Variants in BAIAP3 observed in about 807,000 individuals in gnomAD.
The protein encoded by BAIAP3 is BAI1-associated protein 3.
BAIAP3 carries 180 observed loss-of-function variants against 149.7 expected under a neutral mutation model. The observed-to-expected ratio is 1.20, with a 90% CI of 1.07 to 1.36. The LOEUF (loss-of-function observed/expected upper bound fraction) is 1.36, where lower values mean the gene tolerates loss of function less well. Among genes scored for constraint, BAIAP3 ranks in the 40% most tolerant of loss-of-function variants. The pLI, the probability that BAIAP3 is intolerant of heterozygous loss-of-function variation, is 0.00. For synonymous variants in BAIAP3, 845 were observed against 670.7 expected, an observed-to-expected ratio of 1.26 and a Z score of -4.02; for missense variants, 1,767 against 1,563.4, an observed-to-expected ratio of 1.13 and a Z score of -2.20.
intron 1 of BAIAP3, among the ~76,000 whole-genome samples, chr16:1,335,514 C>T (rs1269214542): frequency 6.6e-6 from 1 of 152,222 alleles, no homozygotes; most frequent in Admixed American, 6.5e-5. Flanking sequence ...CTGAGAGCCA[C>T]CCAGGCAGCC....
rs748607516 is a variant in BAIAP3, at chr16:1,349,378, C to T, written c.*896C>T. ...CCGAGGCTGCCAGGCCCATTTATGT[C>T]CCTCATGTCTCTAGATTTTCTCGTC... On this transcript the variant is annotated 3_prime_UTR_variant, in exon 34 of 34. Transcript: ENST00000426824. 2 of 1,599,248 alleles carry T rather than the reference C, an allele frequency of 1.3e-6. No homozygotes were observed. The highest frequency in any genetic ancestry group is 1.1e-5 in the South Asian group (1 of 90,422).
In BAIAP3 at chr16:1,343,384, G is replaced by T; in HGVS notation, c.1266-9G>T. 2.5e-6 allele frequency: 4 copies of T among 1,579,706 alleles called. No individual in the cohort carries two copies. The highest frequency in any genetic ancestry group is 3.4e-6 in the Non-Finnish European group (4 of 1,163,740). ...TTCATACCCTTTGACCATGGGCCGG[G>T]CCCCACAGGCACTGGCAGGTCAGCA... On this transcript the variant is annotated splice_polypyrimidine_tract_variant and intron_variant, in intron 14 of 33. Transcript: ENST00000426824.
Position 1,348,071 on chromosome 16 carries a change from A to C in BAIAP3, c.3150-25A>C, listed in dbSNP as rs1384197588. On this transcript the variant is annotated intron_variant, in intron 32 of 33. Transcript: ENST00000426824. ...CCAGGCTCCAGGCTGCCGGAGCGAGACTCCCGACTGGCCTCTGTCCGCAGT... is the reference window on the plus strand; with the variant it reads ...CCAGGCTCCAGGCTGCCGGAGCGAGCCTCCCGACTGGCCTCTGTCCGCAGT... 6.6e-5 allele frequency: 98 copies of C among 1,475,810 alleles called. No homozygotes were observed. The Admixed American group carries it at 2.1e-3, about 31-fold the overall frequency. The allele number at this position is 1,475,810 out of a possible 1,614,324, so 91.4% of individuals were successfully genotyped here. A position where few individuals can be genotyped will look rare whatever the true frequency, so the allele number is the denominator to read the frequency against.
At position 1,347,745 on chromosome 16, in the gene BAIAP3, CCATTA is replaced by C. The variant is rs1380594351; in HGVS notation, c.2951_2955del (p.His984ArgfsTer4). 6.2e-6 allele frequency: 10 copies of C among 1,609,960 alleles called. No individual in the cohort carries two copies. Among genetic ancestry groups the C allele is most frequent in the Non-Finnish European group, 8.5e-6 (10 of 1,177,814 alleles). On this transcript the variant is annotated frameshift_variant, in exon 31 of 34. Coordinates refer to ENST00000426824, the MANE Select transcript of BAIAP3 (RefSeq NM_001199097.2). LOFTEE classifies it high-confidence loss of function. The stretch of plus-strand genomic sequence containing the variant: ...GGTTTGGACGCCTGAGCGTCCGTTG[CCATTA>C]CGAGGCGGCTGAGCAGCGGCTGGCC...
intron 8 of BAIAP3, 126 bp downstream of exon 8, chr16:1,341,615 G>T: frequency 7.4e-7 from 1 of 1,344,656 alleles, no homozygotes; most frequent in Non-Finnish European, 1.0e-6. Flanking sequence ...CCACTTTCCA[G>T]AGGAGAAAAC....
chr16:1,341,909 T>C (rs1438139008), intron 9 of BAIAP3, 43 bp downstream of exon 9: 5 of 1,600,410 alleles, frequency 3.1e-6, no homozygotes, highest in Non-Finnish European at 3.4e-6. Flanking sequence ...GATGCACACC[T>C]TTTGCGGGGG....
chr16:1,336,680 C>A (rs1293645691), intron 1 of BAIAP3, among the ~76,000 whole-genome samples: 1 of 152,208 alleles, frequency 6.6e-6, no homozygotes, highest in Non-Finnish European at 1.5e-5. Flanking sequence ...TGCTCAGGCC[C>A]CCACGCTGCC....
rs2033702739 is a variant in BAIAP3 at position 1,339,470 on chromosome 16, T to C, written c.301-26T>C. On this transcript the variant is annotated intron_variant, in intron 4 of 33. Coordinates refer to ENST00000426824, the MANE Select transcript of BAIAP3 (RefSeq NM_001199097.2). ...GGGCTGGGGGCCTGGGACGCGGCAC[T>C]GTGGCCGCCCTTCCCCCACCTGCAG... The C allele has an allele frequency of 5.6e-6, 9 of 1,593,042 alleles. No homozygotes were observed. In the East Asian group the frequency reaches 1.8e-4, roughly 32 times the overall value.
At chr16:1,336,213 A>C in intron 1 of BAIAP3, 1 of 985,288 alleles carries the variant, frequency 1.0e-6, no homozygotes, top group Non-Finnish European at 1.2e-6. Context: ...TTCGGGGGAC[A>C]GCAGGGGGAG....
Position 1,347,101 on chromosome 16 carries a change from G to A in BAIAP3, c.2751+146G>A, listed in dbSNP as rs2034429341. 5.6e-6 allele frequency: 5 copies of A among 888,426 alleles called. No homozygotes were observed. The Admixed American group carries it at 1.2e-4, about 21-fold the overall frequency. The allele number at this position is 888,426 out of a possible 1,614,324, so 55.0% of individuals were successfully genotyped here. A position where few individuals can be genotyped will look rare whatever the true frequency, so the allele number is the denominator to read the frequency against. On this transcript the variant is annotated intron_variant, in intron 28 of 33. Coordinates refer to ENST00000426824, the MANE Select transcript of BAIAP3 (RefSeq NM_001199097.2). ...GTCCACAGCGCCTCCTCCCGTTAAT[G>A]CCGAGGTGTGGCCTCTGGTGATGGC...
At chr16:1,340,190 C>G (rs1416797257) in intron 5 of BAIAP3, among the ~76,000 whole-genome samples, 1 of 39,406 alleles carries the variant, frequency 2.5e-5, no homozygotes, top group African/African-American at 2.0e-4. Flanking sequence ...TGCACACAGA[C>G]ACACGCACAC....
chr16:1,333,691 C>T lies in BAIAP3; in HGVS notation c.-69C>T, dbSNP rs530511274. ...GGAGCGGTAGCTGTGCCTCGGCGTC[C>T]CCGAGCTGGTGCCGAGCGCAGCGCC... is the stretch of plus-strand genomic sequence containing the variant. On this transcript the variant is annotated 5_prime_UTR_variant, in exon 1 of 34. Coordinates refer to ENST00000426824, the MANE Select transcript of BAIAP3 (RefSeq NM_001199097.2). 3 of 150,926 alleles carry T rather than the reference C, an allele frequency of 2.0e-5. No individual in the cohort carries two copies. The East Asian group carries it at 6.0e-4, about 30-fold the overall frequency. 9.3% of individuals were successfully genotyped at this position (150,926 alleles called of 1,614,324 possible).
chr16:1,345,828 TG>T lies in BAIAP3; in HGVS notation c.2149del (p.Val717CysfsTer48). On this transcript the variant is annotated frameshift_variant, in exon 23 of 34. Coordinates refer to ENST00000426824, the MANE Select transcript of BAIAP3 (RefSeq NM_001199097.2). LOFTEE classifies it high-confidence loss of function. ...GLCLSHIQEL[W>X]VRLAWPDPAQ... Reference sequence around the variant, plus strand: ...CTGCCTCAGCCACATCCAGGAGTTGTGGGTGCGCCTGGCGTGGCCTGACCCT... The same window carrying T: ...CTGCCTCAGCCACATCCAGGAGTTGTGGTGCGCCTGGCGTGGCCTGACCCT... 1 of 1,579,394 alleles carries T rather than the reference TG, an allele frequency of 6.3e-7. No individual in the cohort carries two copies.
Position 1,346,701 on chromosome 16 carries a change from T to C in BAIAP3, c.2642+17T>C. 6.5e-6 allele frequency: 1 copy of C among 153,378 alleles called. No homozygotes were observed. The highest frequency in any genetic ancestry group is 1.2e-5 in the Non-Finnish European group (1 of 85,950). 9.5% of individuals were successfully genotyped at this position (153,378 alleles called of 1,614,324 possible). On this transcript the variant is annotated intron_variant, in intron 27 of 33. Coordinates refer to ENST00000426824, the MANE Select transcript of BAIAP3 (RefSeq NM_001199097.2). The stretch of plus-strand genomic sequence containing the variant: ...CCTGAGCAGGTGCGGGCGGGTGGGG[T>C]GGGATGGGCTGGGCTGGCCCGTGGT...
chr16:1,335,376 A>G (rs1432008388), intron 1 of BAIAP3, among the ~76,000 whole-genome samples: 1 of 151,868 alleles, frequency 6.6e-6, no homozygotes, highest in East Asian at 1.9e-4. Flanking sequence ...TGAGCAGAGT[A>G]TGGGGGGGTT....
intron 1 of BAIAP3, chr16:1,334,722 G>T (rs1257204223): frequency 4.5e-6 from 7 of 1,555,724 alleles, no homozygotes; most frequent in Non-Finnish European, 6.1e-6. Flanking sequence ...CCTGGGCACC[G>T]CCATCGGCTT....
intron 1 of BAIAP3, among the ~76,000 whole-genome samples, chr16:1,334,036 G>A (rs954611698): frequency 1.3e-5 from 2 of 151,902 alleles, no homozygotes; most frequent in African/African-American, 2.4e-5. Context: ...GGACGGGGAG[G>A]GTATCCGGGC....
At chr16:1,339,037 T>TC (rs1211039507) in intron 3 of BAIAP3, 48 bp downstream of exon 3, 1 of 1,607,824 alleles carries the variant, frequency 6.2e-7, no homozygotes, top group Non-Finnish European at 8.5e-7. Flanking sequence ...AGCATGGGGC[T>TC]CCCCCTTTGC....
chr16:1,342,658 C>T (rs777995497), intron 12 of BAIAP3, 24 bp downstream of exon 12: 43 of 1,606,462 alleles, frequency 2.7e-5, no homozygotes, highest in Admixed American at 1.0e-4. Flanking sequence ...GCGTCCCCGT[C>T]CTCCACCCCC....
Sources: allele counts gnomAD v4.1 joint callset (sites outside exome capture counted in the v4.1 genomes callset), GRCh38; gene constraint gnomAD v4.1.1; transcripts MANE v1.5; gene names NCBI Gene and HGNC (gene_info 2026-07-23, HGNC 2026-07-21).